Variants in DENND3 observed in about 807,000 individuals in gnomAD.
DENND3 encodes DENN domain-containing protein 3.
DENND3 carries 88 observed loss-of-function variants against 135.1 expected under a neutral mutation model. The observed-to-expected ratio is 0.65, with a 90% confidence interval of 0.55 to 0.78. The LOEUF (loss-of-function observed/expected upper bound fraction) is 0.78, where lower values mean the gene tolerates loss of function less well. DENND3 is among the 30% of genes least tolerant of loss of function. DENND3 has a pLI of 0.00. For synonymous variants in DENND3, 693 were observed against 712.3 expected (o/e 0.97, Z 0.43); for missense variants, 1,392 against 1,688.4 (o/e 0.82, Z 3.08).
chr8:141,133,600 C>CACT (rs1816417675), intron 1 of DENND3, among the ~76,000 whole-genome samples: 1 of 152,180 alleles, frequency 6.6e-6, no homozygotes, highest in Admixed American at 6.5e-5. Context: ...TGCCTGGAGC[C>CACT]ACGGGTCTTG....
intron 8 of DENND3, 150 bp from the exon 9 acceptor site, chr8:141,160,482 A>C: frequency 1.0e-6 from 1 of 993,182 alleles, no homozygotes; most frequent in Non-Finnish European, 1.4e-6. Flanking sequence ...GTCCAGCCCC[A>C]GTGATGTACT....
In DENND3 at chr8:141,167,663, C is replaced by T. The variant is rs188770582; in HGVS notation, c.1754-341C>T. Among the ~76,000 whole-genome samples, 1 of 152,326 alleles carries T rather than the reference C, an allele frequency of 6.6e-6. No homozygotes were observed. Among genetic ancestry groups the T allele is most frequent in the East Asian group, 1.9e-4 (1 of 5,186 alleles). ...TAAATGAAACAATGGTTCTAAAGGG[C>T]TTCATCCTGCCTAGCAGGTACATCT... On this transcript the variant is annotated intron_variant, in intron 12 of 22. Coordinates refer to ENST00000519811, the MANE Select transcript of DENND3 (RefSeq NM_001352890.3). The surrounding 1 kb of genome is among the most constrained non-coding windows in gnomAD (Gnocchi z 4.1).
rs188285050 is a variant in DENND3 at position 141,154,643 on chromosome 8, A to C, written c.1075-1206A>C. Among the ~76,000 whole-genome samples the C allele has an allele frequency of 6.5e-3, 987 of 151,066 alleles. 9 individuals carry two copies. The highest frequency in any genetic ancestry group is 0.023 in the African/African-American group (945 of 41,090). ...AATGGCACGATCTCAGCTCACTGCAACCTCCGCCTCCTGGGTTCAAGCGAT... is the reference window on the plus strand; with the variant it reads ...AATGGCACGATCTCAGCTCACTGCACCCTCCGCCTCCTGGGTTCAAGCGAT... On this transcript the variant is annotated intron_variant, in intron 7 of 22. Transcript: ENST00000519811. The surrounding 1 kb of genome is among the most constrained non-coding windows in gnomAD (Gnocchi z 4.4).
rs1817246025 is a variant in DENND3, at chr8:141,139,908, T to C, written c.502-1295T>C. On this transcript the variant is annotated intron_variant, in intron 3 of 22. Coordinates refer to ENST00000519811, the MANE Select transcript of DENND3 (RefSeq NM_001352890.3). The surrounding 1 kb of genome is among the most constrained non-coding windows in gnomAD (Gnocchi z 4.2). ...CGGATGACGCTATATCTATCGTTTT[T>C]TTCTTTCTTTTTTTTTTTTGAGACA... is the stretch of plus-strand genomic sequence containing the variant. 7.2e-6 allele frequency among the ~76,000 whole-genome samples: 1 copy of C among 138,718 alleles called. No individual in the cohort carries two copies. The highest frequency in any genetic ancestry group is 1.6e-5 in the Non-Finnish European group (1 of 63,842). 91.0% of individuals were successfully genotyped at this position (138,718 alleles called of 152,430 possible).
At chr8:141,178,024 T>C (rs1170167380) in intron 15 of DENND3, 43 bp from the exon 16 acceptor site, 1 of 1,575,284 alleles carries the variant, frequency 6.3e-7, no homozygotes. Flanking sequence ...GAACTGATCT[T>C]AGTGATTCTT....
Position 141,182,676 on chromosome 8 carries a change from G to A in DENND3, c.2944+1822G>A, listed in dbSNP as rs567860345. ...GCTGCCGATTCTGGAAGGGGTGGCC[G>A]AGAAGCTGGTAGCCGAGCAGGGCTT... On this transcript the variant is annotated intron_variant, in intron 17 of 22. Transcript: ENST00000519811. The surrounding 1 kb of genome is among the most constrained non-coding windows in gnomAD (Gnocchi z 5.9). 8.5e-5 allele frequency among the ~76,000 whole-genome samples: 13 copies of A among 152,328 alleles called. No individual in the cohort carries two copies. The highest frequency in any genetic ancestry group is 2.0e-4 in the Admixed American group (3 of 15,300).
Position 141,183,082 on chromosome 8 carries a change from A to G in DENND3, c.2945-2057A>G, listed in dbSNP as rs138107945. ...CAGGCCCAAGGGGGCCGAAACCTCA[A>G]CGCGGTGGTAAAAGGCAAATGTGAA... On this transcript the variant is annotated intron_variant, in intron 17 of 22. Coordinates refer to ENST00000519811, the MANE Select transcript of DENND3 (RefSeq NM_001352890.3). Among the ~76,000 whole-genome samples the G allele has an allele frequency of 1.2e-4, 18 of 152,344 alleles. No individual in the cohort carries two copies. The East Asian group carries it at 3.3e-3, about 28-fold the overall frequency.
intron 7 of DENND3, among the ~76,000 whole-genome samples, chr8:141,153,595 C>G (rs2154612972): frequency 6.6e-6 from 1 of 152,322 alleles, no homozygotes; most frequent in Non-Finnish European, 1.5e-5. Flanking sequence ...CGGCCAGGGT[C>G]CCCGCTGCGG....
intron 20 of DENND3, chr8:141,191,205 C>G (rs1017402841): frequency 1.3e-5 from 2 of 152,284 alleles, no homozygotes; most frequent in African/African-American, 4.8e-5. Context: ...TGCCGCCATT[C>G]AGGGGATACA....
rs549917395 is a variant in DENND3, at chr8:141,182,721, G to T, written c.2944+1867G>T. 3.1e-4 allele frequency among the ~76,000 whole-genome samples: 47 copies of T among 152,358 alleles called. No individual in the cohort carries two copies. Among genetic ancestry groups the T allele is most frequent in the Non-Finnish European group, 5.9e-4 (40 of 68,028 alleles). On this transcript the variant is annotated intron_variant, in intron 17 of 22. Transcript: ENST00000519811. This position sits in a 1 kb window ranked among gnomAD's most constrained non-coding sequence, Gnocchi z 5.9. ...GGGCTTTTGCAAGCCTTGTGAGATT[G>T]CAGGGACAAGAGGTGGGGTCAGGCC...
rs1259224937 is a variant in DENND3, at chr8:141,145,832, TATATATATATATATA to T, written c.735+1574_735+1588del. Among the ~76,000 whole-genome samples, 28 of 82,742 alleles carry T rather than the reference TATATATATATATATA, an allele frequency of 3.4e-4. 1 individual carries two copies. The highest frequency in any genetic ancestry group is 2.1e-3 in the African/African-American group (25 of 11,638). The allele number at this position is 82,742 out of a possible 152,430, so 54.3% of individuals were successfully genotyped here. A position where few individuals can be genotyped will look rare whatever the true frequency, so the allele number is the denominator to read the frequency against. On this transcript the variant is annotated intron_variant, in intron 5 of 22. Transcript: ENST00000519811. ...ATATATATATATATATATATATATATATATATATATATATATATGTATTTTTTTTTTTTTGAGGCG... is the reference window on the plus strand; with the variant it reads ...ATATATATATATATATATATATATATTATGTATTTTTTTTTTTTTGAGGCG...
intron 5 of DENND3, among the ~76,000 whole-genome samples, chr8:141,147,449 A>T (rs373748900): frequency 5.9e-5 from 9 of 152,236 alleles, no homozygotes; most frequent in African/African-American, 2.2e-4. Flanking sequence ...CAGCGTGCTG[A>T]TGTCTGGCCT....
At chr8:141,188,642 A>C in intron 18 of DENND3, 1 of 216,390 alleles carries the variant, frequency 4.6e-6, no homozygotes, top group Non-Finnish European at 9.0e-6. Context: ...GGAGCTCCCT[A>C]AGCACAAGGA....
chr8:141,189,882 G>A (rs1824462346), intron 19 of DENND3, among the ~76,000 whole-genome samples: 2 of 152,232 alleles, frequency 1.3e-5, no homozygotes, highest in South Asian at 4.1e-4. Flanking sequence ...GAGCTCTGAG[G>A]ATCGTGCTGG....
At position 141,144,884 on chromosome 8, in the gene DENND3, A is replaced by G. The variant is rs1475340656; in HGVS notation, c.735+625A>G. Among the ~76,000 whole-genome samples the G allele has an allele frequency of 6.6e-6, 1 of 152,248 alleles. No individual in the cohort carries two copies. Among genetic ancestry groups the G allele is most frequent in the Admixed American group, 6.5e-5 (1 of 15,284 alleles). On this transcript the variant is annotated intron_variant, in intron 5 of 22. Transcript: ENST00000519811. The surrounding 1 kb of genome is among the most constrained non-coding windows in gnomAD (Gnocchi z 4.4). Reference sequence around the variant, plus strand: ...ACAGGTATAATGTAGCTTACTTTCCAACCTGACTCTGGTATAGCATCCATG... The same window carrying G: ...ACAGGTATAATGTAGCTTACTTTCCGACCTGACTCTGGTATAGCATCCATG...
At chr8:141,157,050 A>G (rs1187356598) in intron 8 of DENND3, among the ~76,000 whole-genome samples, 1 of 152,104 alleles carries the variant, frequency 6.6e-6, no homozygotes, top group Non-Finnish European at 1.5e-5. Flanking sequence ...CCAAAGTGCT[A>G]GGATTACAGG....
Position 141,136,643 on chromosome 8 carries a change from C to T in DENND3, c.237C>T (p.Thr79=). The stretch of plus-strand genomic sequence containing the variant: ...CCAACTGCGGCACTCTCGGTAAAAC[C>T]CGGATGCGCTCCTTGAGAAAGAAGA... ...AGANCGTLGK[T]RMRSLRKKRE... is the part of the protein sequence containing the mutation. Residue 79 remains threonine, a synonymous_variant, in exon 2 of 23, where the codon ACC becomes ACT. Coordinates refer to ENST00000519811, the MANE Select transcript of DENND3 (RefSeq NM_001352890.3). 6.2e-7 allele frequency: 1 copy of T among 1,612,040 alleles called. No individual in the cohort carries two copies. The highest frequency in any genetic ancestry group is 2.2e-5 in the East Asian group (1 of 44,830).
chr8:141,182,674 C>T lies in DENND3; in HGVS notation c.2944+1820C>T, dbSNP rs1397709569. Among the ~76,000 whole-genome samples, 3 of 152,162 alleles carry T rather than the reference C, an allele frequency of 2.0e-5. No individual in the cohort carries two copies. Among genetic ancestry groups the T allele is most frequent in the African/African-American group, 7.2e-5 (3 of 41,418 alleles). On this transcript the variant is annotated intron_variant, in intron 17 of 22. Transcript: ENST00000519811. The surrounding 1 kb of genome is among the most constrained non-coding windows in gnomAD (Gnocchi z 5.9). ...TGGCTGCCGATTCTGGAAGGGGTGG[C>T]CGAGAAGCTGGTAGCCGAGCAGGGC...
intron 15 of DENND3, chr8:141,177,656 A>C (rs890062950): frequency 1.9e-5 from 3 of 160,184 alleles, no homozygotes; most frequent in African/African-American, 7.2e-5. Flanking sequence ...TACATAGCAT[A>C]AACCAGCATA....
Sources: allele counts gnomAD v4.1 joint callset (sites outside exome capture counted in the v4.1 genomes callset), GRCh38; gene constraint gnomAD v4.1.1; non-coding constraint Gnocchi (gnomAD v3.1); transcripts MANE v1.5; gene names NCBI Gene and HGNC (gene_info 2026-07-23, HGNC 2026-07-21).